Variants in ARHGEF1 observed in about 807,000 individuals in gnomAD.
ARHGEF1 encodes the protein 115 kDa guanine nucleotide exchange factor.
A neutral mutation model predicts 119.7 loss-of-function variants in ARHGEF1; 40 were observed. That is an observed-to-expected ratio of 0.33 (90% CI 0.26 to 0.44). The LOEUF (loss-of-function observed/expected upper bound fraction) is 0.44, where lower values mean the gene tolerates loss of function less well. Ranked by LOEUF, ARHGEF1 falls within the 20% of genes least tolerant of loss-of-function variation. The pLI is 1.00. For missense variants in ARHGEF1, 976 were observed against 1,268.3 expected (o/e 0.77, Z 3.50); for synonymous variants, 494 against 521.0 (o/e 0.95, Z 0.71).
In ARHGEF1 at chr19:41,906,379, C is replaced by A; in HGVS notation, c.2492-78C>A. The A allele has an allele frequency of 1.4e-6, 2 of 1,423,566 alleles. No individual in the cohort carries two copies. Among genetic ancestry groups the A allele is most frequent in the Non-Finnish European group, 1.9e-6 (2 of 1,059,028 alleles). The allele number at this position is 1,423,566 out of a possible 1,614,324, so 88.2% of individuals were successfully genotyped here. ...ACCTTCACCTCCAGCCCCTACACAT[C>A]CCCTTTGGAATCCCCCATCCCAGAT... On this transcript the variant is annotated intron_variant, in intron 26 of 28. Transcript: ENST00000354532. The surrounding 1 kb of genome is among the most constrained non-coding windows in gnomAD (Gnocchi z 4.5).
chr19:41,902,131 C>T lies in ARHGEF1; in HGVS notation c.1414+98C>T. ...ACCTGCTCGGGAACCCCAGGGTTCA[C>T]ATGGGGTGGGGGCAGATACGCCATC... On this transcript the variant is annotated intron_variant, in intron 15 of 28. Coordinates refer to ENST00000354532, the MANE Select transcript of ARHGEF1 (RefSeq NM_004706.4). The surrounding 1 kb of genome is among the most constrained non-coding windows in gnomAD (Gnocchi z 6.5). The T allele has an allele frequency of 1.3e-6, 2 of 1,570,632 alleles. No individual in the cohort carries two copies. The highest frequency in any genetic ancestry group is 2.3e-5 in the South Asian group (2 of 85,608).
chr19:41,926,028 G>A (rs545667529), intron 1 of ARHGEF1, among the ~76,000 whole-genome samples: 1 of 152,146 alleles, frequency 6.6e-6, no homozygotes, highest in Non-Finnish European at 1.5e-5. Flanking sequence ...TTGAGAGGAG[G>A]AAGAGGTGAA....
At chr19:41,918,391 TACAC>T (rs2074815396), upstream of ARHGEF1, among the ~76,000 whole-genome samples, 3 of 130,402 alleles carry the variant, frequency 2.3e-5, no homozygotes, top group Non-Finnish European at 4.9e-5. Flanking sequence ...ATACACCACA[TACAC>T]ATACCATATC....
Position 41,905,755 on chromosome 19 carries a change from C to T in ARHGEF1, c.2337-5C>T, listed in dbSNP as rs1178094611. 4 of 1,613,896 alleles carry T rather than the reference C, an allele frequency of 2.5e-6. No individual in the cohort carries two copies. Among genetic ancestry groups the T allele is most frequent in the Non-Finnish European group, 2.5e-6 (3 of 1,179,990 alleles). On this transcript the variant is annotated splice_polypyrimidine_tract_variant and splice_region_variant and intron_variant, in intron 24 of 28. Coordinates refer to ENST00000354532, the MANE Select transcript of ARHGEF1 (RefSeq NM_004706.4). The surrounding 1 kb of genome is among the most constrained non-coding windows in gnomAD (Gnocchi z 6.4). Reference sequence around the variant, plus strand: ...GTGGGGTCACCCAGCACTTCCTCCCCTCAGCACCCGAGAACCCCTCCTCAG... The same window carrying T: ...GTGGGGTCACCCAGCACTTCCTCCCTTCAGCACCCGAGAACCCCTCCTCAG...
In ARHGEF1 at chr19:41,905,861, G is replaced by C; in HGVS notation, c.2404+34G>C. ...AGAGGGATGCTGGGTGAGGGGCCAG[G>C]TTGGGGCTGCCGGGTGAAGAGAGGC... On this transcript the variant is annotated intron_variant, in intron 25 of 28. Transcript: ENST00000354532. The surrounding 1 kb of genome is among the most constrained non-coding windows in gnomAD (Gnocchi z 6.4). 1 of 1,614,022 alleles carries C rather than the reference G, an allele frequency of 6.2e-7. No individual in the cohort carries two copies. Among genetic ancestry groups the C allele is most frequent in the East Asian group, 2.2e-5 (1 of 44,878 alleles).
In ARHGEF1 at chr19:41,914,729, C is replaced by T. The variant is rs111451372; in HGVS notation, c.1865+7926C>T. ...TCCACCATCTCTGTCTCTCCCTCCC[C>T]TTCCACCATCTCTGTCTCTCCCTCC... On this transcript the variant is annotated intron_variant, in intron 18 of 20. Transcript: ENST00000599589. 8.3e-3 allele frequency among the ~76,000 whole-genome samples: 124 copies of T among 15,010 alleles called. 8 individuals are homozygous for T. The highest frequency in any genetic ancestry group is 0.036 in the Middle Eastern group (2 of 56). The allele number at this position is 15,010 out of a possible 152,430, so 9.8% of individuals were successfully genotyped here. A position where few individuals can be genotyped will look rare whatever the true frequency, so the allele number is the denominator to read the frequency against.
At chr19:41,921,475 T>C (rs376193884), upstream of ARHGEF1, among the ~76,000 whole-genome samples, 18 of 151,838 alleles carry the variant, frequency 1.2e-4, no homozygotes, top group South Asian at 2.1e-4. The surrounding 1 kb of genome is among the most constrained non-coding windows in gnomAD (Gnocchi z 4.4). Context: ...GGGAGCCACA[T>C]GCACACGCAG....
Position 41,906,102 on chromosome 19 carries a change from C to G in ARHGEF1, c.2491+77C>G. On this transcript the variant is annotated intron_variant, in intron 26 of 28. Coordinates refer to ENST00000354532, the MANE Select transcript of ARHGEF1 (RefSeq NM_004706.4). The surrounding 1 kb of genome is among the most constrained non-coding windows in gnomAD (Gnocchi z 4.5). ...GTTCCAACTAGAACAAGGCTCTCCA[C>G]GTCAAAAATTTCCTTACGCCCAGCT... is the stretch of plus-strand genomic sequence containing the variant. 7.1e-7 allele frequency: 1 copy of G among 1,411,216 alleles called. No homozygotes were observed. Among genetic ancestry groups the G allele is most frequent in the Non-Finnish European group, 9.9e-7 (1 of 1,010,366 alleles). 87.4% of individuals were successfully genotyped at this position (1,411,216 alleles called of 1,614,324 possible).
rs1476713183 is a variant in ARHGEF1 at position 41,914,666 on chromosome 19, C to T, written c.1865+7863C>T. Among the ~76,000 whole-genome samples, 6 of 32,736 alleles carry T rather than the reference C, an allele frequency of 1.8e-4. 2 individuals are homozygous for T. The highest frequency in any genetic ancestry group is 1.6e-3 in the South Asian group (1 of 616). The allele number at this position is 32,736 out of a possible 152,430, so 21.5% of individuals were successfully genotyped here. ...CCCTCCCTTTCCACCATCTCTGTCTCTCCCTCCCCTTCCACCATCTCTGTC... is the reference window on the plus strand; with the variant it reads ...CCCTCCCTTTCCACCATCTCTGTCTTTCCCTCCCCTTCCACCATCTCTGTC... On this transcript the variant is annotated intron_variant, in intron 18 of 20. Coordinates refer to the ARHGEF1 transcript ENST00000599589.
downstream of ARHGEF1, among the ~76,000 whole-genome samples, chr19:41,912,071 A>G (rs1555851312): frequency 1.3e-5 from 2 of 151,938 alleles, no homozygotes; most frequent in Non-Finnish European, 2.9e-5. Context: ...CACCCCACTC[A>G]GGCAGAGGCA....
chr19:41,895,818 C>G (rs1362613603), intron 12 of ARHGEF1, among the ~76,000 whole-genome samples: 1 of 152,158 alleles, frequency 6.6e-6, no homozygotes, highest in Non-Finnish European at 1.5e-5. Flanking sequence ...GCATTGCTGG[C>G]CCCCTAGGTG....
intron 18 of ARHGEF1, among the ~76,000 whole-genome samples, chr19:41,914,477 T>C (rs934005247): frequency 2.0e-5 from 3 of 150,964 alleles, no homozygotes. Flanking sequence ...TCTCCATCTG[T>C]CTCTCCATCT....
intron 18 of ARHGEF1, chr19:41,912,749 C>G: frequency 2.4e-6 from 1 of 412,882 alleles, no homozygotes; most frequent in Non-Finnish European, 4.1e-6. Context: ...GAAGGACCCA[C>G]GGACTAGAGT....
chr19:41,918,641 C>T (rs1330116826), upstream of ARHGEF1, among the ~76,000 whole-genome samples: 3 of 149,568 alleles, frequency 2.0e-5, no homozygotes, highest in Non-Finnish European at 4.5e-5. Flanking sequence ...CCCTCACATA[C>T]ACCACACACA....
upstream of ARHGEF1, among the ~76,000 whole-genome samples, chr19:41,920,530 ATG>A (rs1555852387): frequency 6.6e-6 from 1 of 151,574 alleles, no homozygotes; most frequent in African/African-American, 2.4e-5. Context: ...CACAGACATG[ATG>A]CACTCACAGA....
chr19:41,915,720 T>C (rs1432307808), intron 18 of ARHGEF1, among the ~76,000 whole-genome samples: 1 of 152,172 alleles, frequency 6.6e-6, no homozygotes, highest in African/African-American at 2.4e-5. Flanking sequence ...TGTCTCTGTT[T>C]CTGTCCCGGT....
At chr19:41,884,527 C>T (rs1555844939) in intron 1 of ARHGEF1, 1 of 1,604,272 alleles carries the variant, frequency 6.2e-7, no homozygotes, top group South Asian at 1.1e-5. Flanking sequence ...GTGTCAGACC[C>T]TGACTCTGCA....
In ARHGEF1 at chr19:41,902,351, G is replaced by A; in HGVS notation, c.1492G>A (p.Ala498Thr). Residue 498 changes from alanine (A) to threonine (T), a missense_variant, in exon 16 of 29, where the codon GCC (alanine) becomes ACC (threonine). Ala to Thr is a moderately conservative substitution (Grantham distance 58). Coordinates refer to ENST00000354532, the MANE Select transcript of ARHGEF1 (RefSeq NM_004706.4). The surrounding 1 kb of genome is among the most constrained non-coding windows in gnomAD (Gnocchi z 6.5). ...CGAGGAGATCGGAGACGTGCTGCTG[G>A]CCCGGGTGAGATGCCCAGCCCTCCC... The part of the protein sequence containing the change: ...LIEEIGDVLL[A>T]RFDGAEGSWF... 1 of 1,614,060 alleles carries A rather than the reference G, an allele frequency of 6.2e-7. No homozygotes were observed. The highest frequency in any genetic ancestry group is 8.5e-7 in the Non-Finnish European group (1 of 1,180,038).
Position 41,902,930 on chromosome 19 carries a change from TCTC to T in ARHGEF1, c.1738+36_1738+38del, listed in dbSNP as rs782762558. 1.5e-5 allele frequency: 23 copies of T among 1,510,906 alleles called. No homozygotes were observed. Among genetic ancestry groups the T allele is most frequent in the African/African-American group, 7.1e-5 (5 of 70,544 alleles). 93.6% of individuals were successfully genotyped at this position (1,510,906 alleles called of 1,614,324 possible). A position where few individuals can be genotyped will look rare whatever the true frequency, so the allele number is the denominator to read the frequency against. On this transcript the variant is annotated intron_variant, in intron 18 of 28. Coordinates refer to ENST00000354532, the MANE Select transcript of ARHGEF1 (RefSeq NM_004706.4). The surrounding 1 kb of genome is among the most constrained non-coding windows in gnomAD (Gnocchi z 6.5). Reference sequence around the variant, plus strand: ...CGGGCCTGGATCTCTGGGCCTCGGCTCTCCTCTTTTTTTTTTACATTTTTTTTC... The same window carrying T: ...CGGGCCTGGATCTCTGGGCCTCGGCTCTCTTTTTTTTTTACATTTTTTTTC...
Sources: allele counts gnomAD v4.1 joint callset (sites outside exome capture counted in the v4.1 genomes callset), GRCh38; gene constraint gnomAD v4.1.1; non-coding constraint Gnocchi (gnomAD v3.1); transcripts MANE v1.5; gene names NCBI Gene and HGNC (gene_info 2026-07-23, HGNC 2026-07-21).